DENND4A: variants seen among roughly 807,000 people sequenced by gnomAD.
DENND4A encodes C-myc promoter-binding protein.
In DENND4A, 70 loss-of-function variants were observed where a neutral mutation model predicts 199.3. The ratio of observed to expected loss-of-function variants is 0.35; its 90% confidence interval spans 0.29 to 0.43. The LOEUF is 0.43. Among genes scored for constraint, DENND4A ranks in the 20% least tolerant of loss-of-function variants. The pLI is 1.00. For missense variants in DENND4A, 1,723 were observed against 2,255.8 expected (o/e 0.76, Z 4.78); for synonymous variants, 686 against 766.9 (o/e 0.89, Z 1.74).
chr15:65,675,159 C>CT (rs2076336641), intron 24 of DENND4A, among the ~76,000 whole-genome samples: 1 of 151,914 alleles, frequency 6.6e-6, no homozygotes, highest in Non-Finnish European at 1.5e-5. Context: ...TTTGTATGGC[C>CT]CTGAGCTAAG....
intron 29 of DENND4A, among the ~76,000 whole-genome samples, chr15:65,667,184 G>A (rs1242073811): frequency 6.6e-6 from 1 of 152,296 alleles, no homozygotes; most frequent in East Asian, 1.9e-4. Context: ...ACAAAAATTA[G>A]CTGAGCGTGG....
intron 27 of DENND4A, among the ~76,000 whole-genome samples, chr15:65,668,983 C>A (rs1379819357): frequency 6.6e-6 from 1 of 151,984 alleles, no homozygotes; most frequent in South Asian, 2.1e-4. Context: ...TTCATTTATT[C>A]AAAACATTTA....
In DENND4A at chr15:65,717,809, G is replaced by C. The variant is rs759487003; in HGVS notation, c.1776C>G (p.Ala592=). 14 of 1,606,068 alleles carry C rather than the reference G, an allele frequency of 8.7e-6. No homozygotes were observed. Among genetic ancestry groups the C allele is most frequent in the Middle Eastern group, 3.3e-4 (2 of 6,080 alleles). The change falls in exon 13 of 33, where the codon GCC becomes GCG. Residue 592 remains alanine, a synonymous_variant. Transcript: ENST00000443035. ...GGGCAAAGAGAGAGGCTGCATCTGTGGCTGTCTCAGATGGGGCTTGTGTTA... is the reference window on the plus strand; with the variant it reads ...GGGCAAAGAGAGAGGCTGCATCTGTCGCTGTCTCAGATGGGGCTTGTGTTA... ...RPITQAPSET[A]TDAASLFALQ...
chr15:65,770,240 A>G (rs2077094268), intron 1 of DENND4A, among the ~76,000 whole-genome samples: 1 of 152,156 alleles, frequency 6.6e-6, no homozygotes, highest in Non-Finnish European at 1.5e-5. Flanking sequence ...ACTTATTTGT[A>G]GAAGAACTTC....
chr15:65,772,336 T>C (rs564616174), intron 1 of DENND4A, among the ~76,000 whole-genome samples: 28 of 152,260 alleles, frequency 1.8e-4, no homozygotes, highest in African/African-American at 6.7e-4. Context: ...GAACTCCCTT[T>C]CTATGTTTAG....
intron 11 of DENND4A, among the ~76,000 whole-genome samples, chr15:65,725,499 A>G (rs1294787871): frequency 6.6e-6 from 1 of 151,504 alleles, no homozygotes; most frequent in Non-Finnish European, 1.5e-5. Context: ...ATGCGGTGAA[A>G]CCCCGTCTCT....
At chr15:65,677,552 G>C (rs528137101) in intron 23 of DENND4A, among the ~76,000 whole-genome samples, 2 of 152,170 alleles carry the variant, frequency 1.3e-5, no homozygotes, top group East Asian at 3.9e-4. Flanking sequence ...CATCCTTTAT[G>C]GGTTCCAAGG....
chr15:65,771,167 C>T, intron 1 of DENND4A: 1 of 1,577,812 alleles, frequency 6.3e-7, no homozygotes, highest in Non-Finnish European at 8.6e-7. Flanking sequence ...AATAAAAATT[C>T]CAGTTCATCC....
chr15:65,753,915 A>T (rs1596611320), intron 3 of DENND4A: 1 of 150,190 alleles, frequency 6.7e-6, no homozygotes, highest in Non-Finnish European at 1.5e-5. Context: ...GCTCACTGCA[A>T]CCTCCGCCTC....
At chr15:65,675,147 T>G (rs958093361) in intron 24 of DENND4A, among the ~76,000 whole-genome samples, 1 of 152,218 alleles carries the variant, frequency 6.6e-6, no homozygotes, top group African/African-American at 2.4e-5. Flanking sequence ...GTAAAATCCA[T>G]ATTTGTATGG....
Position 65,670,013 on chromosome 15 carries a change from C to A in DENND4A, c.4640G>T (p.Arg1547Ile). ...ACATGAAGGAAAAAAATATCATTACCTTCCAGGTCGTCTTAAATCTCTTAT... is the reference window on the plus strand; with the variant it reads ...ACATGAAGGAAAAAAATATCATTACATTCCAGGTCGTCTTAAATCTCTTAT... ...IEIRDLRRPG[R>I]YFLKSSPSTE... The change falls in exon 26 of 33, where the codon AGA becomes ATA. Residue 1547 changes from arginine (R) to isoleucine (I), a missense_variant and splice_region_variant. By Grantham distance (97) the Arg-to-Ile change is moderately conservative (BLOSUM62 -3). Around this residue, in one of 6 missense-constraint regions of DENND4A, gnomAD observed 141 missense variants for 170.7 expected, o/e 0.83. Transcript: ENST00000443035. The A allele has an allele frequency of 6.3e-7, 1 of 1,591,164 alleles. No homozygotes were observed. The highest frequency in any genetic ancestry group is 8.6e-7 in the Non-Finnish European group (1 of 1,167,090).
intron 1 of DENND4A, among the ~76,000 whole-genome samples, chr15:65,761,935 A>G (rs999678560): frequency 2.6e-5 from 4 of 152,238 alleles, no homozygotes; most frequent in African/African-American, 7.2e-5. Context: ...TTTCAAAGAT[A>G]CTACAGTCAG....
intron 1 of DENND4A, among the ~76,000 whole-genome samples, chr15:65,780,007 G>A (rs2077394680): frequency 6.6e-6 from 1 of 152,028 alleles, no homozygotes; most frequent in Admixed American, 6.6e-5. Flanking sequence ...CCAAAGCACT[G>A]GGATTACAGG....
At chr15:65,733,308 A>G (rs2076015497) in intron 7 of DENND4A, among the ~76,000 whole-genome samples, 2 of 152,136 alleles carry the variant, frequency 1.3e-5, no homozygotes, top group Admixed American at 1.3e-4. Context: ...TTTCCCCAGA[A>G]TAAGATGGAT....
chr15:65,780,997 T>G (rs1375759835), intron 1 of DENND4A, among the ~76,000 whole-genome samples: 1 of 152,162 alleles, frequency 6.6e-6, no homozygotes, highest in Non-Finnish European at 1.5e-5. Context: ...AGGGACCCAA[T>G]TATCCAGGCA....
At chr15:65,676,141 A>AAAATATATATATAT (rs1362535499) in intron 24 of DENND4A, among the ~76,000 whole-genome samples, 1 of 110,452 alleles carries the variant, frequency 9.1e-6, no homozygotes, top group African/African-American at 3.0e-5. Context: ...AATAAGGAAA[A>AAAATATATATATAT]ATATATATAT....
chr15:65,688,280 C>T (rs943378015), intron 23 of DENND4A, among the ~76,000 whole-genome samples: 1 of 152,100 alleles, frequency 6.6e-6, no homozygotes, highest in Admixed American at 6.6e-5. Flanking sequence ...TTTTCCTTTA[C>T]CTAAAGGAAC....
At chr15:65,771,375 A>G (rs2140883319) in intron 1 of DENND4A, 2 of 1,585,172 alleles carry the variant, frequency 1.3e-6, no homozygotes, top group East Asian at 2.2e-5. Context: ...GCCTTTTGTA[A>G]TAACATTCCT....
chr15:65,702,857 G>T lies in DENND4A; in HGVS notation c.2223+16C>A. ...TTGTTCTAAAATTTGATTACATGAA[G>T]AATGTGATAAAGTACCTGTTTTGTT... is the stretch of plus-strand genomic sequence containing the variant. On this transcript the variant is annotated intron_variant, in intron 16 of 32. Transcript: ENST00000443035. 1 of 1,596,390 alleles carries T rather than the reference G, an allele frequency of 6.3e-7. No individual in the cohort carries two copies. Among genetic ancestry groups the T allele is most frequent in the African/African-American group, 1.4e-5 (1 of 74,060 alleles).
Sources: allele counts gnomAD v4.1 joint callset (sites outside exome capture counted in the v4.1 genomes callset), GRCh38; gene constraint gnomAD v4.1.1; regional missense constraint gnomAD v4.1.1; transcripts MANE v1.5; gene names NCBI Gene and HGNC (gene_info 2026-07-23, HGNC 2026-07-21).